Variants in NPAS3 observed in about 807,000 individuals in gnomAD.
NPAS3 encodes the protein neuronal PAS domain protein 3.
Under a neutral mutation model 73.1 loss-of-function variants are expected in NPAS3, and 14 were observed. That is an observed-to-expected ratio of 0.19 (90% confidence interval 0.13 to 0.30). The LOEUF is 0.30. Among genes scored for constraint, NPAS3 ranks in the 10% least tolerant of loss-of-function variants. NPAS3 has a pLI of 1.00. For synonymous variants in NPAS3, 620 were observed against 541.5 expected (o/e 1.14, Z -2.01); for missense variants, 1,096 against 1,250.0 (o/e 0.88, Z 1.86).
chr14:33,778,425 T>A, intron 8 of NPAS3, 41 bp from the exon 9 acceptor site: 3 of 1,341,130 alleles, frequency 2.2e-6, no homozygotes, highest in Non-Finnish European at 3.2e-6. Context: ...TCTTTATATT[T>A]CCTCCTTTCT....
At chr14:33,074,977 CT>C (rs1458410269) in intron 2 of NPAS3, among the ~76,000 whole-genome samples, 1 of 152,156 alleles carries the variant, frequency 6.6e-6, no homozygotes, top group Admixed American at 6.5e-5. Flanking sequence ...TTCCTTAGAA[CT>C]TGTAATTGAA....
chr14:33,615,452 C>A (rs550476957), intron 5 of NPAS3, among the ~76,000 whole-genome samples: 35 of 151,924 alleles, frequency 2.3e-4, no homozygotes, highest in African/African-American at 7.0e-4. Flanking sequence ...AAGGAGTAAG[C>A]GAGGACTTGG....
At chr14:33,316,349 G>T (rs758906938) in intron 3 of NPAS3, among the ~76,000 whole-genome samples, 6 of 152,024 alleles carry the variant, frequency 3.9e-5, no homozygotes, top group Non-Finnish European at 1.5e-5. Flanking sequence ...TACGTGAGCA[G>T]CAATACATAG....
chr14:33,094,927 A>G (rs977942896), intron 2 of NPAS3, among the ~76,000 whole-genome samples: 1 of 152,210 alleles, frequency 6.6e-6, no homozygotes, highest in African/African-American at 2.4e-5. Flanking sequence ...TCACTATGTA[A>G]CAGGTGTTTT....
chr14:33,201,333 T>C (rs1036042990), intron 2 of NPAS3, among the ~76,000 whole-genome samples: 4 of 111,318 alleles, frequency 3.6e-5, no homozygotes, highest in Non-Finnish European at 6.0e-5. Flanking sequence ...GAAAAGTGAC[T>C]CAGTTCTACA....
At chr14:33,552,722 T>C (rs898707665) in intron 4 of NPAS3, among the ~76,000 whole-genome samples, 10 of 152,052 alleles carry the variant, frequency 6.6e-5, no homozygotes, top group Non-Finnish European at 1.5e-5. Flanking sequence ...CGCGTGTGAG[T>C]GAACAGCATA....
chr14:33,006,287 T>C (rs1021477127), intron 1 of NPAS3, among the ~76,000 whole-genome samples: 1 of 152,088 alleles, frequency 6.6e-6, no homozygotes, highest in African/African-American at 2.4e-5. Context: ...CTGGGACATT[T>C]TGAGGGGAAA....
chr14:33,215,113 G>C, intron 2 of NPAS3, 69 bp from the exon 3 acceptor site: 1 of 1,469,836 alleles, frequency 6.8e-7, no homozygotes, highest in Admixed American at 2.0e-5. Context: ...GAAATACAAA[G>C]AAAGCAGTAT....
At chr14:33,199,419 T>C (rs948368741) in intron 2 of NPAS3, among the ~76,000 whole-genome samples, 5 of 152,188 alleles carry the variant, frequency 3.3e-5, no homozygotes, top group Non-Finnish European at 5.9e-5. Context: ...GGTTCTTCCA[T>C]GTAGGCAGGA....
At chr14:33,398,656 T>C (rs573865289) in intron 4 of NPAS3, among the ~76,000 whole-genome samples, 3 of 152,120 alleles carry the variant, frequency 2.0e-5, no homozygotes, top group Admixed American at 6.6e-5. Context: ...TTTAAAGATA[T>C]GTGACATAAG....
intron 7 of NPAS3, among the ~76,000 whole-genome samples, chr14:33,738,042 C>T (rs906808748): frequency 4.6e-5 from 7 of 152,140 alleles, no homozygotes; most frequent in African/African-American, 1.7e-4. Flanking sequence ...GTCATAGGAA[C>T]AAAAGTACCA....
At chr14:33,133,800 G>A (rs566157241) in intron 2 of NPAS3, among the ~76,000 whole-genome samples, 67 of 152,192 alleles carry the variant, frequency 4.4e-4, no homozygotes, top group African/African-American at 1.6e-3. Flanking sequence ...CTGCTTCTTG[G>A]TGACATGATA....
chr14:33,535,931 A>T (rs2054241131), intron 4 of NPAS3, among the ~76,000 whole-genome samples: 1 of 152,180 alleles, frequency 6.6e-6, no homozygotes, highest in Non-Finnish European at 1.5e-5. Context: ...TGTGACTGAG[A>T]GTGCTATATA....
intron 9 of NPAS3, among the ~76,000 whole-genome samples, chr14:33,785,097 A>G (rs908126689): frequency 3.9e-5 from 6 of 151,936 alleles, no homozygotes; most frequent in South Asian, 2.1e-4. Context: ...TCAACAAAAA[A>G]TAACCCATTG....
intron 5 of NPAS3, among the ~76,000 whole-genome samples, chr14:33,605,632 G>T (rs544656186): frequency 2.5e-4 from 38 of 152,262 alleles, no homozygotes; most frequent in African/African-American, 8.7e-4. Context: ...ATTGACAACA[G>T]CATTCTTAAG....
chr14:32,943,693 CTTTT>C (rs11331212), intron 1 of NPAS3, among the ~76,000 whole-genome samples: 6 of 122,310 alleles, frequency 4.9e-5, no homozygotes, highest in Non-Finnish European at 3.5e-5. Flanking sequence ...TTTTCTTTTT[CTTTT>C]TTTTTTTTTT....
chr14:32,993,075 G>A (rs1015759307), intron 1 of NPAS3, among the ~76,000 whole-genome samples: 4 of 151,786 alleles, frequency 2.6e-5, no homozygotes, highest in Admixed American at 6.6e-5. Flanking sequence ...TCTTGAACCC[G>A]GGCAGTGGAG....
At chr14:33,012,693 C>T (rs1330635552) in intron 1 of NPAS3, among the ~76,000 whole-genome samples, 2 of 151,938 alleles carry the variant, frequency 1.3e-5, no homozygotes, top group African/African-American at 4.8e-5. Context: ...GGATTACAGG[C>T]GCCCGCCACC....
chr14:33,084,212 GT>G (rs988447545), intron 2 of NPAS3, among the ~76,000 whole-genome samples: 1 of 152,192 alleles, frequency 6.6e-6, no homozygotes, highest in African/African-American at 2.4e-5. Context: ...ACCACTATAA[GT>G]TTGAATTAAG....
Sources: allele counts gnomAD v4.1 joint callset (sites outside exome capture counted in the v4.1 genomes callset), GRCh38; gene constraint gnomAD v4.1.1; transcripts MANE v1.5; gene names NCBI Gene and HGNC (gene_info 2026-07-23, HGNC 2026-07-21).